SCRT2: variants seen among roughly 807,000 people sequenced by gnomAD.
The protein encoded by SCRT2 is transcriptional repressor scratch 2.
SCRT2 carries 2 observed loss-of-function variants against 3.7 expected under a neutral mutation model. The observed-to-expected ratio is 0.54, with a 90% CI of 0.22 to 1.70. The LOEUF is 1.70. Among genes scored for constraint, SCRT2 ranks in the 40% most tolerant of loss-of-function variants. SCRT2 has a pLI of 0.19. For missense variants in SCRT2, 456 were observed against 468.5 expected, an observed-to-expected ratio of 0.97 and a Z score of 0.25; for synonymous variants, 256 against 220.6, an observed-to-expected ratio of 1.16 and a Z score of -1.42.
chr20:664,484 G>A lies in SCRT2; in HGVS notation c.134-23C>T. The stretch of plus-strand genomic sequence containing the variant: ...ACCCTGGAGGGGGCGAGAAGTGGAG[G>A]GGCGGTGAGAGGAGGCGCCGAAGAG... On this transcript the variant is annotated intron_variant, in intron 1 of 1. Transcript: ENST00000246104. The surrounding 1 kb of genome is among the most constrained non-coding windows in gnomAD (Gnocchi z 7.9). 1 of 1,233,152 alleles carries A rather than the reference G, an allele frequency of 8.1e-7. No homozygotes were observed. Among genetic ancestry groups the A allele is most frequent in the Non-Finnish European group, 1.0e-6 (1 of 983,326 alleles). The allele number at this position is 1,233,152 out of a possible 1,614,324, so 76.4% of individuals were successfully genotyped here.
At chr20:672,424 C>T (rs899829826) in intron 1 of SCRT2, among the ~76,000 whole-genome samples, 27 of 144,664 alleles carry the variant, frequency 1.9e-4, no homozygotes, top group African/African-American at 6.6e-4. Flanking sequence ...TGTGTGTGTG[C>T]GCGCGTGCGT....
At position 666,741 on chromosome 20, in the gene SCRT2, G is replaced by T. The variant is rs182729173; in HGVS notation, c.134-2280C>A. Among the ~76,000 whole-genome samples the T allele has an allele frequency of 1.3e-5, 2 of 152,322 alleles. No homozygotes were observed. The highest frequency in any genetic ancestry group is 3.9e-4 in the East Asian group (2 of 5,174). On this transcript the variant is annotated intron_variant, in intron 1 of 1. Coordinates refer to ENST00000246104, the MANE Select transcript of SCRT2 (RefSeq NM_033129.4). The surrounding 1 kb of genome is among the most constrained non-coding windows in gnomAD (Gnocchi z 4.4). Reference sequence around the variant, plus strand: ...TTTGTGGAATGAGTGATGATGATTTGCGAGGCCAGCCTCACTCCCCAGCCT... The same window carrying T: ...TTTGTGGAATGAGTGATGATGATTTTCGAGGCCAGCCTCACTCCCCAGCCT...
In SCRT2 at chr20:675,629, G is replaced by T; in HGVS notation, c.-28C>A. Reference sequence around the variant, plus strand: ...CGCGGCCGGCGCGGGGCTCGGTGCGGGGAGGCGGCCGGCCGGGCGCGATCG... The same window carrying T: ...CGCGGCCGGCGCGGGGCTCGGTGCGTGGAGGCGGCCGGCCGGGCGCGATCG... On this transcript the variant is annotated 5_prime_UTR_variant, in exon 1 of 2. Transcript: ENST00000246104. The surrounding 1 kb of genome is among the most constrained non-coding windows in gnomAD (Gnocchi z 6.9). 2 of 1,264,266 alleles carry T rather than the reference G, an allele frequency of 1.6e-6. No homozygotes were observed. 78.3% of individuals were successfully genotyped at this position (1,264,266 alleles called of 1,614,324 possible).
rs200735143 is a variant in SCRT2, at chr20:668,548, G to GGTAA, written c.134-4091_134-4088dup. ...TTCAGGCCGTAGCCATGTGACCTTG[G>GGTAA]GTAAGTCGCATAACTTATCTGGGCT... On this transcript the variant is annotated intron_variant, in intron 1 of 1. Coordinates refer to ENST00000246104, the MANE Select transcript of SCRT2 (RefSeq NM_033129.4). Among the ~76,000 whole-genome samples, 132 of 152,228 alleles carry GGTAA rather than the reference G, an allele frequency of 8.7e-4. 4 individuals are homozygous for GGTAA. In the East Asian group the frequency reaches 0.019, roughly 22 times the overall value.
chr20:664,428 T>C lies in SCRT2; in HGVS notation c.167A>G (p.Tyr56Cys), dbSNP rs1221069778. 2 of 1,314,864 alleles carry C rather than the reference T, an allele frequency of 1.5e-6. No homozygotes were observed. The highest frequency in any genetic ancestry group is 2.0e-6 in the Non-Finnish European group (2 of 1,025,148). 81.4% of individuals were successfully genotyped at this position (1,314,864 alleles called of 1,614,324 possible). Residue 56 changes from tyrosine (Y) to cysteine (C), a missense_variant, in exon 2 of 2, where the codon TAC (tyrosine) becomes TGC (cysteine). By Grantham distance (194) the Tyr-to-Cys change is radical (BLOSUM62 -2). Around this residue, in one of 3 missense-constraint regions of SCRT2, gnomAD observed 306 missense variants for 305.3 expected, o/e 1.00. Transcript: ENST00000246104. The surrounding 1 kb of genome is among the most constrained non-coding windows in gnomAD (Gnocchi z 7.9). The part of the protein sequence containing the change: ...YAPHRLPPSS[Y>C]DADQKPGLEL... ...CAGGCCCGGCTTCTGGTCCGCATCG[T>C]AGCTGCTCGGGGGCAGGCGGTGCGG...
At position 667,694 on chromosome 20, in the gene SCRT2, TGCCTAGGGAGGGC is replaced by T; in HGVS notation, c.134-3246_134-3234del. Among the ~76,000 whole-genome samples the T allele has an allele frequency of 6.6e-6, 1 of 152,302 alleles. No homozygotes were observed. The highest frequency in any genetic ancestry group is 2.4e-5 in the African/African-American group (1 of 41,574). ...GTGCCTTCAACAAAGGCTGCTCATT[TGCCTAGGGAGGGC>T]TGCAGAAGTGTCTTCAGGATAGGAA... On this transcript the variant is annotated intron_variant, in intron 1 of 1. Transcript: ENST00000246104. This position sits in a 1 kb window ranked among gnomAD's most constrained non-coding sequence, Gnocchi z 4.4.
intron 1 of SCRT2, among the ~76,000 whole-genome samples, chr20:671,865 C>A (rs1020279936): frequency 2.0e-5 from 3 of 152,190 alleles, no homozygotes; most frequent in East Asian, 1.9e-4. Flanking sequence ...GGGGGCCTGG[C>A]TCCAAGCTGG....
chr20:664,025 C>T lies in SCRT2; in HGVS notation c.570G>A (p.Thr190=), dbSNP rs573200477. The change falls in exon 2 of 2, where the codon ACG becomes ACA. Residue 190 remains threonine (T), a synonymous_variant. Coordinates refer to ENST00000246104, the MANE Select transcript of SCRT2 (RefSeq NM_033129.4). The surrounding 1 kb of genome is among the most constrained non-coding windows in gnomAD (Gnocchi z 7.9). ...GCATGGACACGTAGGCCTTGCCGCACGTCGGGCATTTGCGCGCCAGCTGGC... is the reference window on the plus strand; with the variant it reads ...GCATGGACACGTAGGCCTTGCCGCATGTCGGGCATTTGCGCGCCAGCTGGC... ...LDSQLARKCP[T]CGKAYVSMPA... 38 of 1,612,120 alleles carry T rather than the reference C, an allele frequency of 2.4e-5. No individual in the cohort carries two copies. Among genetic ancestry groups the T allele is most frequent in the Non-Finnish European group, 3.1e-5 (37 of 1,179,614 alleles).
Position 665,950 on chromosome 20 carries a change from A to C in SCRT2, c.134-1489T>G, listed in dbSNP as rs1484630585. ...AGACTTTTAGCTGGGTACTCTGGTC[A>C]GCTTTCGTTTCCCACACAGCCTGGC... On this transcript the variant is annotated intron_variant, in intron 1 of 1. Transcript: ENST00000246104. This position sits in a 1 kb window ranked among gnomAD's most constrained non-coding sequence, Gnocchi z 5.0. Among the ~76,000 whole-genome samples, 1 of 152,216 alleles carries C rather than the reference A, an allele frequency of 6.6e-6. No homozygotes were observed. Among genetic ancestry groups the C allele is most frequent in the Admixed American group, 6.5e-5 (1 of 15,286 alleles).
chr20:670,239 G>A (rs1984287951), intron 1 of SCRT2, among the ~76,000 whole-genome samples: 1 of 152,210 alleles, frequency 6.6e-6, no homozygotes, highest in African/African-American at 2.4e-5. Flanking sequence ...CCTCGGGGGG[G>A]ATCTCCAGTG....
intron 1 of SCRT2, among the ~76,000 whole-genome samples, chr20:674,418 C>T (rs1035124346): frequency 2.7e-4 from 40 of 150,464 alleles, no homozygotes; most frequent in Non-Finnish European, 5.2e-4. Context: ...CACACACACA[C>T]ACACACACAC....
Position 673,807 on chromosome 20 carries a change from G to A in SCRT2, c.133+1662C>T, listed in dbSNP as rs1015692667. Reference sequence around the variant, plus strand: ...GGTTTCCTCAGCTGGCCTGGGGACAGGACCAACGGGGCTTCAGGGGGTGGA... The same window carrying A: ...GGTTTCCTCAGCTGGCCTGGGGACAAGACCAACGGGGCTTCAGGGGGTGGA... On this transcript the variant is annotated intron_variant, in intron 1 of 1. Coordinates refer to ENST00000246104, the MANE Select transcript of SCRT2 (RefSeq NM_033129.4). Among the ~76,000 whole-genome samples, 15 of 152,318 alleles carry A rather than the reference G, an allele frequency of 9.8e-5. No homozygotes were observed. The East Asian group carries it at 2.9e-3, about 29-fold the overall frequency.
Sources: allele counts gnomAD v4.1 joint callset (sites outside exome capture counted in the v4.1 genomes callset), GRCh38; gene constraint gnomAD v4.1.1; regional missense constraint gnomAD v4.1.1; non-coding constraint Gnocchi (gnomAD v3.1); transcripts MANE v1.5; gene names NCBI Gene and HGNC (gene_info 2026-07-23, HGNC 2026-07-21).